DERPC: variants seen among roughly 807,000 people sequenced by gnomAD.
The protein encoded by DERPC is decreased expression in renal and prostate cancer protein.
A neutral mutation model predicts 7.2 loss-of-function variants in DERPC; 1 was observed. The observed-to-expected ratio is 0.14, with a 90% confidence interval of 0.05 to 0.66. The LOEUF (loss-of-function observed/expected upper bound fraction) is 0.66. Among genes scored for constraint, DERPC ranks in the 30% least tolerant of loss-of-function variants. The pLI, the probability that DERPC is intolerant of heterozygous loss-of-function variation, is 0.84. For synonymous variants in DERPC, 185 were observed against 117.6 expected (o/e 1.57, Z -3.71); for missense variants, 502 against 299.4 (o/e 1.68, Z -4.99).
intron 1 of DERPC, among the ~76,000 whole-genome samples, chr16:69,131,606 C>T (rs941740286): frequency 6.7e-6 from 1 of 149,332 alleles, no homozygotes; most frequent in Non-Finnish European, 1.5e-5. Flanking sequence ...CGCTTCCCCC[C>T]TCTTCTCCAC....
rs1192177205 is a variant in DERPC at position 69,120,554 on chromosome 16, C to G, written c.-126G>C. ...GGCCAAGCTCATCACAGTCCTGATC[C>G]CCAGGAGTGTGTTTGACAAGGACTG... On this transcript the variant is annotated 5_prime_UTR_variant, in exon 3 of 3. Transcript: ENST00000519520. This position sits in a 1 kb window ranked among gnomAD's most constrained non-coding sequence, Gnocchi z 4.0. 4 of 1,613,948 alleles carry G rather than the reference C, an allele frequency of 2.5e-6. No individual in the cohort carries two copies. The highest frequency in any genetic ancestry group is 4.5e-5 in the East Asian group (2 of 44,888).
Position 69,119,908 on chromosome 16 carries a change from C to A in DERPC, c.521G>T (p.Gly174Val). 1.4e-6 allele frequency: 1 copy of A among 702,458 alleles called. No individual in the cohort carries two copies. Among genetic ancestry groups the A allele is most frequent in the Non-Finnish European group, 2.6e-6 (1 of 384,988 alleles). 43.5% of individuals were successfully genotyped at this position (702,458 alleles called of 1,614,324 possible). Reference sequence around the variant, plus strand: ...TCCAGATCCAGGGCCCATGGGACCACCACCTCTGGGGTCAGGACCTGCTCC... The same window carrying A: ...TCCAGATCCAGGGCCCATGGGACCAACACCTCTGGGGTCAGGACCTGCTCC... ...LLGAGPDPRG[G>V]GPMGPGSGPN... is the part of the protein sequence containing the mutation. The change falls in exon 3 of 3, where the codon GGT becomes GTT. Residue 174 changes from glycine to valine, a missense_variant. Coordinates refer to ENST00000519520, the MANE Select transcript of DERPC (RefSeq NM_001002847.4).
chr16:69,127,055 T>C (rs112147266), intron 1 of DERPC, among the ~76,000 whole-genome samples: 9,710 of 152,068 alleles, frequency 0.064, 387 homozygotes, highest in African/African-American at 0.097. Context: ...GAGGCCAACA[T>C]AGTGAAACCC....
chr16:69,122,844 ATT>A (rs746641286), intron 1 of DERPC, among the ~76,000 whole-genome samples: 46 of 149,886 alleles, frequency 3.1e-4, no homozygotes, highest in Non-Finnish European at 6.2e-4. Context: ...ACCTGGCTTA[ATT>A]TTTGTTATTT....
Position 69,118,133 on chromosome 16 carries a change from A to AC in DERPC, c.*720dup. 6.8e-6 allele frequency: 1 copy of AC among 148,006 alleles called. No homozygotes were observed. Among genetic ancestry groups the AC allele is most frequent in the South Asian group, 5.4e-5 (1 of 18,544 alleles). The allele number at this position is 148,006 out of a possible 1,614,324, so 9.2% of individuals were successfully genotyped here. A position where few individuals can be genotyped will look rare whatever the true frequency, so the allele number is the denominator to read the frequency against. ...TTTCTTCCCTTCATCCCCCACCCCC[A>AC]CCCTAATTCCCATATTCCCATCCAC... On this transcript the variant is annotated 3_prime_UTR_variant, in exon 3 of 3. Transcript: ENST00000519520.
intron 1 of DERPC, among the ~76,000 whole-genome samples, chr16:69,123,615 T>G (rs780374215): frequency 6.6e-6 from 1 of 151,970 alleles, no homozygotes; most frequent in Non-Finnish European, 1.5e-5. Flanking sequence ...CCAAGATTGC[T>G]CCACCCTGGG....
At chr16:69,124,310 T>C (rs1961903110) in intron 1 of DERPC, among the ~76,000 whole-genome samples, 1 of 152,208 alleles carries the variant, frequency 6.6e-6, no homozygotes, top group Non-Finnish European at 1.5e-5. Flanking sequence ...CAATGTATTA[T>C]GCAGTTTAGT....
Position 69,120,753 on chromosome 16 carries a change from C to A in DERPC, c.-221-104G>T. 3.0e-6 allele frequency: 3 copies of A among 997,966 alleles called. No individual in the cohort carries two copies. The highest frequency in any genetic ancestry group is 1.5e-5 in the South Asian group (1 of 66,034). 61.8% of individuals were successfully genotyped at this position (997,966 alleles called of 1,614,324 possible). A position where few individuals can be genotyped will look rare whatever the true frequency, so the allele number is the denominator to read the frequency against. ...GGCAGGCTATGCTGGCACCTCCAAT[C>A]CCTGGTCTGGCTCTGCCATTGTTGA... On this transcript the variant is annotated intron_variant, in intron 2 of 2. Coordinates refer to ENST00000519520, the MANE Select transcript of DERPC (RefSeq NM_001002847.4). This position sits in a 1 kb window ranked among gnomAD's most constrained non-coding sequence, Gnocchi z 4.0.
At chr16:69,121,170 A>G (rs762620178) in intron 2 of DERPC, 1 of 1,611,734 alleles carries the variant, frequency 6.2e-7, no homozygotes, top group South Asian at 1.1e-5. Flanking sequence ...CAGCCCTCGC[A>G]CTGCAAGCAA....
In DERPC at chr16:69,119,926, C is replaced by A; in HGVS notation, c.503G>T (p.Gly168Val). ...GGGACCACCACCTCTGGGGTCAGGA[C>A]CTGCTCCCAGGAGACCACCTGCCCT... is the stretch of plus-strand genomic sequence containing the variant. ...NPRAGGLLGA[G>V]PDPRGGGPMG... is the part of the protein sequence containing the mutation. Residue 168 changes from glycine (G) to valine (V), a missense_variant, in exon 3 of 3, where the codon GGT (glycine) becomes GTT (valine). Transcript: ENST00000519520. The A allele has an allele frequency of 1.4e-6, 1 of 702,608 alleles. No individual in the cohort carries two copies. The highest frequency in any genetic ancestry group is 2.6e-6 in the Non-Finnish European group (1 of 384,870). 43.5% of individuals were successfully genotyped at this position (702,608 alleles called of 1,614,324 possible). A position where few individuals can be genotyped will look rare whatever the true frequency, so the allele number is the denominator to read the frequency against.
intron 1 of DERPC, among the ~76,000 whole-genome samples, chr16:69,128,560 T>G (rs903328375): frequency 2.6e-5 from 4 of 152,152 alleles, no homozygotes; most frequent in Admixed American, 6.5e-5. Flanking sequence ...ATACATAAAT[T>G]CTGTATTCCT....
At chr16:69,123,839 G>C (rs1280660323) in intron 1 of DERPC, among the ~76,000 whole-genome samples, 1 of 146,962 alleles carries the variant, frequency 6.8e-6, no homozygotes, top group African/African-American at 2.5e-5. Flanking sequence ...TGCAATTCCA[G>C]AACTTTGGGA....
Position 69,120,693 on chromosome 16 carries a change from G to A in DERPC, c.-221-44C>T. ...GAGATTCCTGAGGTTCCGGGGCAAG[G>A]CCATAACACTCAGGCGCCTCCTAAA... On this transcript the variant is annotated intron_variant, in intron 2 of 2. Coordinates refer to ENST00000519520, the MANE Select transcript of DERPC (RefSeq NM_001002847.4). The surrounding 1 kb of genome is among the most constrained non-coding windows in gnomAD (Gnocchi z 4.0). The A allele has an allele frequency of 1.3e-6, 2 of 1,539,524 alleles. No homozygotes were observed. Among genetic ancestry groups the A allele is most frequent in the Non-Finnish European group, 1.8e-6 (2 of 1,121,820 alleles).
intron 2 of DERPC, 157 bp downstream of exon 2, chr16:69,121,279 C>A (rs1344729843): frequency 1.5e-6 from 2 of 1,296,454 alleles, no homozygotes; most frequent in African/African-American, 1.5e-5. Context: ...ATGTCAAGTT[C>A]TTGGGAAATT....
Position 69,120,982 on chromosome 16 carries a change from G to T in DERPC, c.-221-333C>A. The T allele has an allele frequency of 7.7e-7, 1 of 1,305,372 alleles. No individual in the cohort carries two copies. Among genetic ancestry groups the T allele is most frequent in the Non-Finnish European group, 1.1e-6 (1 of 897,902 alleles). The allele number at this position is 1,305,372 out of a possible 1,614,324, so 80.9% of individuals were successfully genotyped here. A position where few individuals can be genotyped will look rare whatever the true frequency, so the allele number is the denominator to read the frequency against. On this transcript the variant is annotated intron_variant, in intron 2 of 2. Coordinates refer to ENST00000519520, the MANE Select transcript of DERPC (RefSeq NM_001002847.4). This position sits in a 1 kb window ranked among gnomAD's most constrained non-coding sequence, Gnocchi z 4.0. ...AAACCTGAGGCAGTCCTCACTCTGG[G>T]TCCTGGGAGCACCACCTTGGTGTAG...
In DERPC at chr16:69,119,212, A is replaced by G; in HGVS notation, c.1217T>C (p.Leu406Pro). 2 of 703,048 alleles carry G rather than the reference A, an allele frequency of 2.8e-6. No individual in the cohort carries two copies. The highest frequency in any genetic ancestry group is 5.4e-5 in the East Asian group (2 of 37,288). The allele number at this position is 703,048 out of a possible 1,614,324, so 43.6% of individuals were successfully genotyped here. Residue 406 changes from leucine to proline, a missense_variant, in exon 3 of 3, where the codon CTT (leucine) becomes CCT (proline). Transcript: ENST00000519520. The stretch of plus-strand genomic sequence containing the variant: ...TGGGAAGTTAGCTGGGTTGGGGCCA[A>G]GTGGCCCAGAGGCTCTTGGGAAAAT... ...PTIFPRASGP[L>P]GPNPANFPRA... is the part of the protein sequence containing the mutation.
rs1197763259 is a variant in DERPC at position 69,119,638 on chromosome 16, T to A, written c.791A>T (p.Asn264Ile). The change falls in exon 3 of 3, where the codon AAC becomes ATC. Residue 264 changes from asparagine (N) to isoleucine (I), a missense_variant. Asn to Ile is a moderately radical substitution (Grantham distance 149, BLOSUM62 -3). Coordinates refer to ENST00000519520, the MANE Select transcript of DERPC (RefSeq NM_001002847.4). ...GGLLGTGSGL[N>I]LRMAGPQGLD... ...GCCTTGAGGTCCAGCCATTCTTAAGTTAAGACCAGATCCTGTGCCCAAGAG... is the reference window on the plus strand; with the variant it reads ...GCCTTGAGGTCCAGCCATTCTTAAGATAAGACCAGATCCTGTGCCCAAGAG... 4.4e-6 allele frequency: 3 copies of A among 686,662 alleles called. No individual in the cohort carries two copies. The highest frequency in any genetic ancestry group is 4.2e-5 in the Admixed American group (2 of 47,458). 42.5% of individuals were successfully genotyped at this position (686,662 alleles called of 1,614,324 possible). A position where few individuals can be genotyped will look rare whatever the true frequency, so the allele number is the denominator to read the frequency against.
Position 69,118,127 on chromosome 16 carries a change from A to AATTT in DERPC, c.*726_*727insAAAT. The AATTT allele has an allele frequency of 1.4e-5, 2 of 138,044 alleles. No homozygotes were observed. The highest frequency in any genetic ancestry group is 2.9e-5 in the Non-Finnish European group (2 of 69,832). The allele number at this position is 138,044 out of a possible 1,614,324, so 8.6% of individuals were successfully genotyped here. On this transcript the variant is annotated 3_prime_UTR_variant, in exon 3 of 3. Transcript: ENST00000519520. The stretch of plus-strand genomic sequence containing the variant: ...CAGTGATTTCTTCCCTTCATCCCCC[A>AATTT]CCCCCACCCTAATTCCCATATTCCC...
At position 69,120,540 on chromosome 16, in the gene DERPC, T is replaced by C. The variant is rs1221771943; in HGVS notation, c.-112A>G. On this transcript the variant is annotated 5_prime_UTR_variant, in exon 3 of 3. It removes an upstream start codon present in the reference 5' UTR. Transcript: ENST00000519520. The surrounding 1 kb of genome is among the most constrained non-coding windows in gnomAD (Gnocchi z 4.0). ...GGTGCCAGTCTCGCGGCCAAGCTCATCACAGTCCTGATCCCCAGGAGTGTG... is the reference window on the plus strand; with the variant it reads ...GGTGCCAGTCTCGCGGCCAAGCTCACCACAGTCCTGATCCCCAGGAGTGTG... 6.2e-7 allele frequency: 1 copy of C among 1,614,096 alleles called. No homozygotes were observed. The highest frequency in any genetic ancestry group is 8.5e-7 in the Non-Finnish European group (1 of 1,180,000).
Sources: gnomAD v4.1 joint callset for allele counts (sites outside exome capture counted in the v4.1 genomes callset) on GRCh38, gnomAD v4.1.1 for gene constraint, Gnocchi (gnomAD v3.1) non-coding constraint, MANE v1.5 for transcripts, NCBI Gene and HGNC (gene_info 2026-07-23, HGNC 2026-07-21) for gene names.